ARF1: variants seen among roughly 807,000 people sequenced by gnomAD.
ARF1 encodes ADP-ribosylation factor 1.
Under a neutral mutation model 18.0 loss-of-function variants are expected in ARF1, and 1 was observed. The observed-to-expected ratio is 0.06, with a 90% CI of 0.02 to 0.26. The LOEUF is 0.26. Among genes scored for constraint, ARF1 ranks in the 10% least tolerant of loss-of-function variants. The pLI is 1.00. For missense variants in ARF1, 73 were observed against 247.2 expected, an observed-to-expected ratio of 0.30 and a Z score of 4.73; for synonymous variants, 112 against 96.3, an observed-to-expected ratio of 1.16 and a Z score of -0.95.
intron 1 of ARF1, among the ~76,000 whole-genome samples, chr1:228,085,993 AG>A (rs1192489407): frequency 4.6e-5 from 7 of 152,340 alleles, no homozygotes; most frequent in African/African-American, 1.4e-4. Flanking sequence ...GGGTAGGGCT[AG>A]TCACAGGGCC....
Position 228,098,167 on chromosome 1 carries a change from C to T in ARF1, c.*154C>T. On this transcript the variant is annotated 3_prime_UTR_variant, in exon 5 of 5. Transcript: ENST00000272102. ...TAAATGTGGCAGACGCAGCCTGCGGCCAGGCTTTTTATTTAATGTAAATAG... is the reference window on the plus strand; with the variant it reads ...TAAATGTGGCAGACGCAGCCTGCGGTCAGGCTTTTTATTTAATGTAAATAG... 1.1e-6 allele frequency: 1 copy of T among 879,190 alleles called. No homozygotes were observed. Among genetic ancestry groups the T allele is most frequent in the Non-Finnish European group, 1.6e-6 (1 of 609,228 alleles). 54.5% of individuals were successfully genotyped at this position (879,190 alleles called of 1,614,324 possible). A position where few individuals can be genotyped will look rare whatever the true frequency, so the allele number is the denominator to read the frequency against.
intron 1 of ARF1, among the ~76,000 whole-genome samples, chr1:228,085,678 A>G (rs1193830990): frequency 6.6e-6 from 1 of 152,220 alleles, no homozygotes; most frequent in Admixed American, 6.5e-5. Context: ...GAGACAGGGA[A>G]AGCATAAAAG....
chr1:228,090,807 G>C (rs3768330), intron 1 of ARF1: 10,083 of 152,384 alleles, frequency 0.066, 397 homozygotes, highest in East Asian at 0.11. Flanking sequence ...TGACAGACCA[G>C]AGTCCCATCA....
In ARF1 at chr1:228,097,676, G is replaced by A. The variant is rs2032796388; in HGVS notation, c.345G>A (p.Glu115=). 1.9e-6 allele frequency: 3 copies of A among 1,613,572 alleles called. No individual in the cohort carries two copies. The highest frequency in any genetic ancestry group is 2.5e-6 in the Non-Finnish European group (3 of 1,179,740). Reference sequence around the variant, plus strand: ...TCATGAGGATGCTGGCCGAGGACGAGCTCCGGGATGCTGTCCTCCTGGTGT... The same window carrying A: ...TCATGAGGATGCTGGCCGAGGACGAACTCCGGGATGCTGTCCTCCTGGTGT... ...EELMRMLAED[E]LRDAVLLVFA... is the part of the protein sequence containing the mutation. The change falls in exon 4 of 5, where the codon GAG becomes GAA. Residue 115 remains glutamate (E), a synonymous_variant. Transcript: ENST00000272102. The surrounding 1 kb of genome is among the most constrained non-coding windows in gnomAD (Gnocchi z 8.1).
chr1:228,090,148 A>G (rs939407807), intron 1 of ARF1, among the ~76,000 whole-genome samples: 9 of 152,196 alleles, frequency 5.9e-5, no homozygotes, highest in Non-Finnish European at 1.2e-4. Flanking sequence ...GTGCCATCGC[A>G]CAGTCATTCG....
At position 228,089,491 on chromosome 1, in the gene ARF1, G is replaced by A. The variant is rs111913120; in HGVS notation, c.-38+6726G>A. On this transcript the variant is annotated intron_variant, in intron 1 of 4. Transcript: ENST00000272102. The surrounding 1 kb of genome is among the most constrained non-coding windows in gnomAD (Gnocchi z 4.1). The stretch of plus-strand genomic sequence containing the variant: ...GTTCCCACTCCCATTGTTGCACTTC[G>A]CTTTTGATTTCTCTGGAAGAGCAAG... Among the ~76,000 whole-genome samples the A allele has an allele frequency of 0.017, 2,656 of 152,294 alleles. 44 individuals are homozygous for A. The highest frequency in any genetic ancestry group is 0.037 in the African/African-American group (1,546 of 41,550).
intron 1 of ARF1, among the ~76,000 whole-genome samples, chr1:228,094,071 CG>C (rs2032658065): frequency 6.6e-6 from 1 of 152,164 alleles, no homozygotes; most frequent in South Asian, 2.1e-4. Flanking sequence ...GGCACTGCCC[CG>C]GGCATGAGGA....
intron 1 of ARF1, among the ~76,000 whole-genome samples, chr1:228,084,986 G>C (rs12029076): frequency 0.21 from 31,743 of 152,194 alleles, 3,413 homozygotes; most frequent in Middle Eastern, 0.21. Flanking sequence ...CTGGGCTGGC[G>C]GGCCCATACT....
At chr1:228,093,866 C>T (rs929384452) in intron 1 of ARF1, among the ~76,000 whole-genome samples, 5 of 148,650 alleles carry the variant, frequency 3.4e-5, no homozygotes, top group African/African-American at 5.0e-5. Context: ...GCAGAGGTTG[C>T]AGTGAGCCGA....
In ARF1 at chr1:228,082,953, G is replaced by C. The variant is rs1182412305; in HGVS notation, c.-38+188G>C. 3 of 152,540 alleles carry C rather than the reference G, an allele frequency of 2.0e-5. No homozygotes were observed. The highest frequency in any genetic ancestry group is 2.9e-5 in the Non-Finnish European group (2 of 68,088). The allele number at this position is 152,540 out of a possible 1,614,324, so 9.4% of individuals were successfully genotyped here. On this transcript the variant is annotated intron_variant, in intron 1 of 4. Coordinates refer to ENST00000272102, the MANE Select transcript of ARF1 (RefSeq NM_001658.4). The surrounding 1 kb of genome is among the most constrained non-coding windows in gnomAD (Gnocchi z 6.1). ...CTGAGGCTGGGGCCCGGCCGGAGTC[G>C]GGGCTGGGCGGACGGGCGGGTCGGT...
At chr1:228,087,931 G>C (rs568655334) in intron 1 of ARF1, among the ~76,000 whole-genome samples, 1 of 152,358 alleles carries the variant, frequency 6.6e-6, no homozygotes, top group Non-Finnish European at 1.5e-5. Flanking sequence ...CACATCTGCA[G>C]ATGTGTACAG....
chr1:228,095,046 G>A (rs907522624), intron 1 of ARF1, among the ~76,000 whole-genome samples: 4 of 152,148 alleles, frequency 2.6e-5, no homozygotes, highest in Non-Finnish European at 5.9e-5. Flanking sequence ...GATATCTTAA[G>A]TTACTCCTCA....
intron 1 of ARF1, among the ~76,000 whole-genome samples, chr1:228,084,924 A>G (rs2032345631): frequency 6.6e-6 from 1 of 152,102 alleles, no homozygotes; most frequent in African/African-American, 2.4e-5. Flanking sequence ...GCTTTCCTAC[A>G]CACTTCTTCC....
At chr1:228,095,425 C>G (rs1303555846) in intron 1 of ARF1, among the ~76,000 whole-genome samples, 1 of 152,170 alleles carries the variant, frequency 6.6e-6, no homozygotes, top group Non-Finnish European at 1.5e-5. Flanking sequence ...GCAGCTGCTC[C>G]CCTAGACCAA....
intron 1 of ARF1, among the ~76,000 whole-genome samples, chr1:228,086,515 CAAAAA>C (rs796644449): frequency 1.1e-5 from 1 of 92,840 alleles, no homozygotes; most frequent in Non-Finnish European, 2.2e-5. Flanking sequence ...GACTTTGTCT[CAAAAA>C]AAAAAAAAAG....
Position 228,082,729 on chromosome 1 carries a change from C to A in ARF1, c.-74C>A, listed in dbSNP as rs1472553681. ...CGTCAGAGCCGCCATCTTGTGGGAG[C>A]AAAACCAACGCCTGGCTCGGAGCAG... On this transcript the variant is annotated 5_prime_UTR_variant, in exon 1 of 5. Coordinates refer to ENST00000272102, the MANE Select transcript of ARF1 (RefSeq NM_001658.4). This position sits in a 1 kb window ranked among gnomAD's most constrained non-coding sequence, Gnocchi z 6.1. 1 of 151,998 alleles carries A rather than the reference C, an allele frequency of 6.6e-6. No homozygotes were observed. The highest frequency in any genetic ancestry group is 1.5e-5 in the Non-Finnish European group (1 of 67,974). The allele number at this position is 151,998 out of a possible 1,614,324, so 9.4% of individuals were successfully genotyped here.
intron 1 of ARF1, among the ~76,000 whole-genome samples, chr1:228,085,308 C>CT (rs1553255041): frequency 1.3e-5 from 2 of 152,270 alleles, no homozygotes; most frequent in African/African-American, 4.8e-5. Context: ...TACAAGCTCT[C>CT]TAAGGCATAG....
intron 1 of ARF1, among the ~76,000 whole-genome samples, chr1:228,086,526 A>G (rs1215313843): frequency 6.6e-6 from 1 of 151,996 alleles, no homozygotes; most frequent in East Asian, 1.9e-4. Context: ...AAAAAAAAAA[A>G]AAAGAAAAAA....
chr1:228,090,053 C>T (rs746380988), intron 1 of ARF1, among the ~76,000 whole-genome samples: 2 of 152,250 alleles, frequency 1.3e-5, no homozygotes, highest in African/African-American at 4.8e-5. Flanking sequence ...CTGGAACCAG[C>T]GGCCTCCATG....
Sources: gnomAD v4.1 joint callset for allele counts (sites outside exome capture counted in the v4.1 genomes callset) on GRCh38, gnomAD v4.1.1 for gene constraint, Gnocchi (gnomAD v3.1) non-coding constraint, MANE v1.5 for transcripts, NCBI Gene and HGNC (gene_info 2026-07-23, HGNC 2026-07-21) for gene names.